Variants in AKAP7 observed in about 807,000 individuals in gnomAD.
AKAP7 encodes A-kinase anchoring protein 7.
Under a neutral mutation model 39.5 loss-of-function variants are expected in AKAP7, and 39 were observed. The ratio of observed to expected loss-of-function variants is 0.99; its 90% CI spans 0.76 to 1.29. The LOEUF (loss-of-function observed/expected upper bound fraction) is 1.29, where lower values mean the gene tolerates loss of function less well. Among genes scored for constraint, AKAP7 ranks in the 50% most tolerant of loss-of-function variants. The probability of loss-of-function intolerance (pLI) is 0.00; values close to 1 mark genes in which losing one functional copy is unlikely to be tolerated. For synonymous variants in AKAP7, 140 were observed against 139.1 expected (o/e 1.01, Z -0.05); for missense variants, 414 against 407.7 (o/e 1.02, Z -0.13).
At chr6:131,251,473 T>G (rs1425474986) in intron 7 of AKAP7, among the ~76,000 whole-genome samples, 7 of 152,108 alleles carry the variant, frequency 4.6e-5, no homozygotes, top group Non-Finnish European at 7.3e-5. Context: ...TTTAAATAGG[T>G]CCATGGAATT....
intron 7 of AKAP7, among the ~76,000 whole-genome samples, chr6:131,224,917 A>AT (rs572456427): frequency 0.011 from 1,558 of 147,816 alleles, 10 homozygotes; most frequent in African/African-American, 0.015. Context: ...TGCCCGGCTA[A>AT]TTTTTTTTTT....
At chr6:131,219,284 C>T (rs1809487985) in intron 6 of AKAP7, among the ~76,000 whole-genome samples, 1 of 134,208 alleles carries the variant, frequency 7.5e-6, no homozygotes. Flanking sequence ...AGTGACACTC[C>T]ATTTCAAAAA....
At chr6:131,206,733 C>T (rs1054666335) in intron 6 of AKAP7, among the ~76,000 whole-genome samples, 8 of 152,106 alleles carry the variant, frequency 5.3e-5, no homozygotes, top group African/African-American at 1.7e-4. Flanking sequence ...TTATTTACTT[C>T]TATCTATCTA....
At chr6:131,178,762 A>G (rs894146887) in intron 5 of AKAP7, among the ~76,000 whole-genome samples, 2 of 152,148 alleles carry the variant, frequency 1.3e-5, no homozygotes, top group Admixed American at 6.5e-5. Context: ...TCTGGGAAAC[A>G]CCGATGGCAG....
intron 7 of AKAP7, among the ~76,000 whole-genome samples, chr6:131,244,674 C>T (rs1275571077): frequency 1.3e-5 from 2 of 152,194 alleles, no homozygotes; most frequent in Admixed American, 6.5e-5. Context: ...AAAATTGGCA[C>T]TAAGCAGAAA....
chr6:131,279,292 GAC>G (rs1286305580), intron 7 of AKAP7, among the ~76,000 whole-genome samples: 3 of 151,992 alleles, frequency 2.0e-5, no homozygotes, highest in Non-Finnish European at 4.4e-5. Flanking sequence ...TCTTTTTTGA[GAC>G]AGTCTCACTC....
chr6:131,181,244 C>T (rs1325559159), intron 5 of AKAP7, among the ~76,000 whole-genome samples: 1 of 152,130 alleles, frequency 6.6e-6, no homozygotes, highest in Non-Finnish European at 1.5e-5. Context: ...CCCCATGTTT[C>T]ACTTTTTGTA....
In AKAP7 at chr6:131,281,399, C is replaced by A; in HGVS notation, c.851-131C>A. 1.5e-6 allele frequency: 1 copy of A among 659,870 alleles called. No homozygotes were observed. Among genetic ancestry groups the A allele is most frequent in the Non-Finnish European group, 2.4e-6 (1 of 422,930 alleles). 40.9% of individuals were successfully genotyped at this position (659,870 alleles called of 1,614,324 possible). A position where few individuals can be genotyped will look rare whatever the true frequency, so the allele number is the denominator to read the frequency against. ...TGCAAATACCAAATGAAAAGCCAAC[C>A]CACTGTTCTTGAATTTATAGATCCA... On this transcript the variant is annotated intron_variant, in intron 7 of 7. Transcript: ENST00000431975. This position sits in a 1 kb window ranked among gnomAD's most constrained non-coding sequence, Gnocchi z 4.0.
chr6:131,245,489 A>G (rs1280504136), intron 7 of AKAP7, among the ~76,000 whole-genome samples: 1 of 151,196 alleles, frequency 6.6e-6, no homozygotes, highest in Non-Finnish European at 1.5e-5. Flanking sequence ...ACAAGAACAC[A>G]GAGAAACAAA....
intron 3 of AKAP7, 45 bp from the exon 4 acceptor site, chr6:131,165,036 A>G (rs940426034): frequency 1.4e-6 from 2 of 1,468,362 alleles, no homozygotes; most frequent in South Asian, 1.4e-5. Flanking sequence ...AATTTTGCTT[A>G]CCTAATCACT....
the AKAP7 span, among the ~76,000 whole-genome samples, chr6:131,128,685 G>A: frequency 1.3e-5 from 2 of 152,016 alleles, no homozygotes; most frequent in Non-Finnish European, 2.9e-5. Context: ...AGCCAGGCGT[G>A]GTGGCGTGTG....
chr6:131,131,760 G>A (rs1189569775), upstream of AKAP7, among the ~76,000 whole-genome samples: 1 of 151,962 alleles, frequency 6.6e-6, no homozygotes, highest in Non-Finnish European at 1.5e-5. Flanking sequence ...AGAAGGGTGG[G>A]GTCAGGGACT....
chr6:131,154,468 GTTT>G (rs58715551), intron 2 of AKAP7, among the ~76,000 whole-genome samples: 2,640 of 112,498 alleles, frequency 0.023, 90 homozygotes, highest in African/African-American at 0.08. Flanking sequence ...CCCTGTCCCT[GTTT>G]TTTTTTTTTT....
intron 5 of AKAP7, chr6:131,184,310 A>AG (rs35832088): frequency 0.3 from 180,391 of 601,434 alleles, 29,286 homozygotes; most frequent in Middle Eastern, 0.35. Context: ...GTCGGGGAGC[A>AG]GGGGGGTGGC....
chr6:131,147,960 G>T (rs565037939), intron 2 of AKAP7, among the ~76,000 whole-genome samples: 11 of 152,200 alleles, frequency 7.2e-5, no homozygotes, highest in African/African-American at 2.2e-4. Flanking sequence ...TAGTGTTTCT[G>T]TAGTCACCAT....
chr6:131,256,711 T>TA (rs1812887259), intron 7 of AKAP7, among the ~76,000 whole-genome samples: 1 of 72,864 alleles, frequency 1.4e-5, no homozygotes, highest in African/African-American at 4.2e-5. Flanking sequence ...CCTGGGACAT[T>TA]ATTATTATTA....
At chr6:131,132,314 G>GAAA (rs11307437), upstream of AKAP7, among the ~76,000 whole-genome samples, 30 of 143,470 alleles carry the variant, frequency 2.1e-4, 1 homozygote, top group East Asian at 1.2e-3. Context: ...TTCCGTCTCA[G>GAAA]AAAAAAAAAA....
intron 5 of AKAP7, among the ~76,000 whole-genome samples, chr6:131,187,215 T>C (rs1024208388): frequency 3.9e-5 from 6 of 152,168 alleles, no homozygotes; most frequent in African/African-American, 1.4e-4. Flanking sequence ...TGAGCAGTAT[T>C]GGCATTTTAA....
At chr6:131,273,720 T>TA (rs1183170196) in intron 7 of AKAP7, among the ~76,000 whole-genome samples, 1 of 152,190 alleles carries the variant, frequency 6.6e-6, no homozygotes, top group East Asian at 1.9e-4. Context: ...TATTTTTACT[T>TA]ACGTATGTAC....
Sources: allele counts gnomAD v4.1 joint callset (sites outside exome capture counted in the v4.1 genomes callset), GRCh38; gene constraint gnomAD v4.1.1; non-coding constraint Gnocchi (gnomAD v3.1); transcripts MANE v1.5; gene names NCBI Gene and HGNC (gene_info 2026-07-23, HGNC 2026-07-21).